The following TKFC variants were observed in gnomAD, a reference collection of about 807,000 sequenced individuals.
TKFC encodes the protein triokinase and FMN cyclase, also known as triokinase/FMN cyclase.
A neutral mutation model predicts 61.0 loss-of-function variants in TKFC; 46 were observed. The ratio of observed to expected loss-of-function variants is 0.75; its 90% CI spans 0.60 to 0.96. The LOEUF is 0.96. Among genes scored for constraint, TKFC ranks in the 50% least tolerant of loss-of-function variants. The pLI, the probability that TKFC is intolerant of heterozygous loss-of-function variation, is 0.00. For synonymous variants in TKFC, 314 were observed against 330.1 expected (o/e 0.95, Z 0.53); for missense variants, 715 against 777.5 (o/e 0.92, Z 0.96).
At chr11:61,344,398 T>C in intron 13 of TKFC, 125 bp downstream of exon 13, 7 of 1,305,800 alleles carry the variant, frequency 5.4e-6, no homozygotes, top group Non-Finnish European at 6.2e-6. Flanking sequence ...AATCTCACTC[T>C]GTCGCTAGGC....
At chr11:61,351,257 A>G (rs566320614), downstream of TKFC, 2 of 769,804 alleles carry the variant, frequency 2.6e-6, no homozygotes, top group South Asian at 2.3e-5. Flanking sequence ...CCGGGTCCAT[A>G]TGTGATCTAG....
chr11:61,347,849 T>C lies in TKFC; in HGVS notation c.*1346T>C. ...ACATGAAAGGATTCAAATGAATTGATGAAGATGGGCCATAAAGCCCAGCAC... is the reference window on the plus strand; with the variant it reads ...ACATGAAAGGATTCAAATGAATTGACGAAGATGGGCCATAAAGCCCAGCAC... On this transcript the variant is annotated 3_prime_UTR_variant, in exon 18 of 18. Coordinates refer to ENST00000394900, the MANE Select transcript of TKFC (RefSeq NM_015533.4). The C allele has an allele frequency of 1.0e-6, 1 of 980,736 alleles. No homozygotes were observed. Among genetic ancestry groups the C allele is most frequent in the Non-Finnish European group, 1.2e-6 (1 of 825,652 alleles). The allele number at this position is 980,736 out of a possible 1,614,324, so 60.8% of individuals were successfully genotyped here.
At chr11:61,340,055 G>T (rs1264862427) in intron 5 of TKFC, among the ~76,000 whole-genome samples, 1 of 151,456 alleles carries the variant, frequency 6.6e-6, no homozygotes, top group Non-Finnish European at 1.5e-5. Flanking sequence ...CTGTTGCCCA[G>T]GCTGGAATGC....
chr11:61,353,071 A>T (rs1857493990), downstream of TKFC: 1 of 1,613,992 alleles, frequency 6.2e-7, no homozygotes, highest in South Asian at 1.1e-5. Flanking sequence ...AGACGTGGAT[A>T]GGTTTTAGGA....
rs998068708 is a variant in TKFC at position 61,348,192 on chromosome 11, G to A, written c.*1689G>A. On this transcript the variant is annotated 3_prime_UTR_variant, in exon 18 of 18. Transcript: ENST00000394900. ...TCCCAGCTCTGTCATTTCCTGGCTG[G>A]GTGACCTCAACCTAGTCACCCTTTT... The A allele has an allele frequency of 1.0e-6, 1 of 985,256 alleles. No homozygotes were observed. The highest frequency in any genetic ancestry group is 1.7e-5 in the African/African-American group (1 of 57,216). 61.0% of individuals were successfully genotyped at this position (985,256 alleles called of 1,614,324 possible). A position where few individuals can be genotyped will look rare whatever the true frequency, so the allele number is the denominator to read the frequency against.
chr11:61,345,115 C>T (rs1486183884), intron 13 of TKFC, 145 bp from the exon 14 acceptor site: 10 of 703,402 alleles, frequency 1.4e-5, no homozygotes, highest in Non-Finnish European at 2.3e-5. Flanking sequence ...CCTCTCCAGA[C>T]TGCACACTGG....
intron 2 of TKFC, among the ~76,000 whole-genome samples, chr11:61,336,779 C>T (rs1334484877): frequency 1.2e-4 from 18 of 152,162 alleles, no homozygotes; most frequent in Admixed American, 1.2e-3. Flanking sequence ...CGGCACTGCT[C>T]TGTAACCCTC....
chr11:61,346,016 C>G lies in TKFC; in HGVS notation c.1575+70C>G. The G allele has an allele frequency of 6.6e-7, 1 of 1,511,740 alleles. No individual in the cohort carries two copies. The highest frequency in any genetic ancestry group is 1.8e-5 in the Admixed American group (1 of 56,622). The allele number at this position is 1,511,740 out of a possible 1,614,324, so 93.6% of individuals were successfully genotyped here. ...CCAGCAGACTCCTGTCTCCATGTGA[C>G]CCTGAGCAAGTTAATAACCTTCCTG... On this transcript the variant is annotated intron_variant, in intron 17 of 17. Transcript: ENST00000394900. The surrounding 1 kb of genome is among the most constrained non-coding windows in gnomAD (Gnocchi z 4.1).
At chr11:61,342,536 C>A in intron 8 of TKFC, 38 bp from the exon 9 acceptor site, 1 of 1,613,958 alleles carries the variant, frequency 6.2e-7, no homozygotes, top group East Asian at 2.2e-5. Flanking sequence ...AAGGCCAAGG[C>A]CCCCCAGATG....
rs1157660203 is a variant in TKFC, at chr11:61,348,836, G to A, written c.*2333G>A. On this transcript the variant is annotated 3_prime_UTR_variant, in exon 18 of 18. Coordinates refer to ENST00000394900, the MANE Select transcript of TKFC (RefSeq NM_015533.4). ...TCTTAACATATTTAATGAAACTCGA[G>A]CTTCATAAACCAGTGAAATGCCTAC... The A allele has an allele frequency of 6.6e-6, 1 of 152,278 alleles. No homozygotes were observed. Among genetic ancestry groups the A allele is most frequent in the African/African-American group, 2.4e-5 (1 of 41,450 alleles). 9.4% of individuals were successfully genotyped at this position (152,278 alleles called of 1,614,324 possible). A position where few individuals can be genotyped will look rare whatever the true frequency, so the allele number is the denominator to read the frequency against.
rs112089652 is a variant in TKFC at position 61,342,485 on chromosome 11, G to A, written c.680G>A (p.Arg227His). 71 of 1,614,082 alleles carry A rather than the reference G, an allele frequency of 4.4e-5. 1 individual carries two copies. In the African/African-American group the frequency reaches 4.9e-4, roughly 11 times the overall value. The change falls in exon 8 of 18, where the codon CGC becomes CAC. Residue 227 changes from arginine (R) to histidine (H), a missense_variant. Physicochemically the swap from Arg to His is conservative, Grantham distance 29 (BLOSUM62 0). Transcript: ENST00000394900. Reference protein sequence around the residue: ...GLGIHGEAGVRRIKMATADEI... With the variant: ...GLGIHGEAGVHRIKMATADEI... ...GGGATCCACGGGGAAGCTGGTGTGCGCCGGATAAAGGTAGGTGGTCCCTCT... is the reference window on the plus strand; with the variant it reads ...GGGATCCACGGGGAAGCTGGTGTGCACCGGATAAAGGTAGGTGGTCCCTCT...
At chr11:61,350,161 C>T (rs1346725006), downstream of TKFC, 9 of 595,790 alleles carry the variant, frequency 1.5e-5, no homozygotes, top group Admixed American at 2.7e-4. Flanking sequence ...CCAAGGAAAG[C>T]AGACAGGCAG....
At position 61,347,465 on chromosome 11, in the gene TKFC, GGAGGTC is replaced by G; in HGVS notation, c.*967_*972del. 1 of 974,400 alleles carries G rather than the reference GGAGGTC, an allele frequency of 1.0e-6. No homozygotes were observed. Among genetic ancestry groups the G allele is most frequent in the Non-Finnish European group, 1.2e-6 (1 of 820,188 alleles). 60.4% of individuals were successfully genotyped at this position (974,400 alleles called of 1,614,324 possible). On this transcript the variant is annotated 3_prime_UTR_variant, in exon 18 of 18. Transcript: ENST00000394900. ...GAGTTGGGAGGATGGCTTGGGCCCA[GGAGGTC>G]GAGGCTGCGGTGAGCCATAAGCATG...
intron 3 of TKFC, among the ~76,000 whole-genome samples, chr11:61,338,632 C>T (rs968924575): frequency 1.3e-5 from 2 of 152,176 alleles, no homozygotes; most frequent in Admixed American, 1.3e-4. Context: ...AAAATCCATT[C>T]ATTTGGCAAA....
intron 5 of TKFC, among the ~76,000 whole-genome samples, chr11:61,340,282 G>A (rs1379176915): frequency 6.6e-6 from 1 of 150,400 alleles, no homozygotes; most frequent in Non-Finnish European, 1.5e-5. Flanking sequence ...AAAGTGCTGG[G>A]ATGACGAGCG....
At position 61,341,850 on chromosome 11, in the gene TKFC, G is replaced by A; in HGVS notation, c.593G>A (p.Cys198Tyr). 2.5e-6 allele frequency: 4 copies of A among 1,613,938 alleles called. No individual in the cohort carries two copies. The highest frequency in any genetic ancestry group is 3.4e-6 in the Non-Finnish European group (4 of 1,179,916). ...ACCCTGGGGGTGAGCTTATCCTCCT[G>A]CAGCGTCCCTGGTTCCAAACCCACC... Reference protein sequence around the residue: ...MGTLGVSLSSCSVPGSKPTFE... With the variant: ...MGTLGVSLSSYSVPGSKPTFE... Residue 198 changes from cysteine (C) to tyrosine (Y), a missense_variant, in exon 7 of 18, where the codon TGC (cysteine) becomes TAC (tyrosine). Cys to Tyr is a radical substitution (Grantham distance 194, BLOSUM62 -2). Transcript: ENST00000394900.
Position 61,339,254 on chromosome 11 carries a change from T to C in TKFC, c.305T>C (p.Val102Ala). 1 of 1,612,418 alleles carries C rather than the reference T, an allele frequency of 6.2e-7. No homozygotes were observed. Among genetic ancestry groups the C allele is most frequent in the Non-Finnish European group, 8.5e-7 (1 of 1,179,016 alleles). The stretch of plus-strand genomic sequence containing the variant: ...TGAGCCCTTCCGGCTGCTCCCGCAG[T>C]GGGGACGCTCCTTATCGTGAAGAAC... The part of the protein sequence containing the change: ...AIRAVAQAGT[V>A]GTLLIVKNYT... The change falls in exon 5 of 18, where the codon GTG (valine) becomes GCG (alanine). Residue 102 changes from valine to alanine, a missense_variant and splice_region_variant. Coordinates refer to ENST00000394900, the MANE Select transcript of TKFC (RefSeq NM_015533.4).
At chr11:61,353,166 G>A (rs371282488), downstream of TKFC, 52 of 1,577,554 alleles carry the variant, frequency 3.3e-5, no homozygotes, top group South Asian at 2.3e-4. Flanking sequence ...GGACACACCC[G>A]ACTGTGCTAT....
At chr11:61,342,902 T>A in intron 10 of TKFC, 58 bp downstream of exon 10, 1 of 1,546,390 alleles carries the variant, frequency 6.5e-7, no homozygotes, top group Non-Finnish European at 8.9e-7. Context: ...TGAGGGAGGG[T>A]CTTGTGATGG....
Sources: allele counts gnomAD v4.1 joint callset (sites outside exome capture counted in the v4.1 genomes callset), GRCh38; gene constraint gnomAD v4.1.1; non-coding constraint Gnocchi (gnomAD v3.1); transcripts MANE v1.5; gene names NCBI Gene and HGNC (gene_info 2026-07-23, HGNC 2026-07-21).